The following GOLGA8A variants were observed in gnomAD, a reference collection of about 807,000 sequenced individuals.
GOLGA8A encodes golgin A8 family member A.
GOLGA8A carries 3 observed loss-of-function variants against 22.1 expected under a neutral mutation model. The observed-to-expected ratio is 0.14, with a 90% CI of 0.06 to 0.35. GOLGA8A has a LOEUF of 0.35. Ranked by LOEUF, GOLGA8A falls within the 10% of genes least tolerant of loss-of-function variation. The pLI is 1.00. For synonymous variants in GOLGA8A, 7 were observed against 91.7 expected (o/e 0.08, Z 5.28); for missense variants, 16 against 233.2 (o/e 0.07, Z 6.07).
At chr15:34,431,310 TAC>T (rs59064131) in intron 2 of GOLGA8A, among the ~76,000 whole-genome samples, 7,137 of 23,670 alleles carry the variant, frequency 0.3, 286 homozygotes, top group Admixed American at 0.36. Flanking sequence ...TATATATATA[TAC>T]ATATATATAT....
chr15:34,423,928 GC>G (rs1159095806), intron 2 of GOLGA8A, among the ~76,000 whole-genome samples: 1 of 148,662 alleles, frequency 6.7e-6, no homozygotes, highest in Non-Finnish European at 1.5e-5. Flanking sequence ...TTTGGAGGAA[GC>G]AGCTGAGGCT....
intron 2 of GOLGA8A, chr15:34,428,984 G>T (rs530733639): frequency 6.8e-6 from 1 of 147,002 alleles, no homozygotes; most frequent in African/African-American, 2.5e-5. Context: ...ACCTCCTACA[G>T]AACCCAGTGG....
chr15:34,432,379 G>C (rs1402015181), intron 2 of GOLGA8A, among the ~76,000 whole-genome samples: 1 of 148,650 alleles, frequency 6.7e-6, no homozygotes, highest in Non-Finnish European at 1.5e-5. Flanking sequence ...GCAGGAGACA[G>C]GGACAGAACA....
chr15:34,418,173 CTGCTGTAAAGAT>C (rs1892652479), intron 2 of GOLGA8A: 1 of 110,562 alleles, frequency 9.0e-6, no homozygotes, highest in East Asian at 2.8e-4. Context: ...TACTTCTAGG[CTGCTGTAAAGAT>C]GTATAAGGTT....
At position 34,425,985 on chromosome 15, in the gene GOLGA8A, C is replaced by T. The variant is rs991109136; in HGVS notation, c.-1123+9398G>A. Among the ~76,000 whole-genome samples, 9 of 145,012 alleles carry T rather than the reference C, an allele frequency of 6.2e-5. 1 individual carries two copies. Among genetic ancestry groups the T allele is most frequent in the Admixed American group, 2.2e-4 (3 of 13,944 alleles). ...CCAGAGAGTGTCAGTGGGGACACCG[C>T]TGCCCCACACACTAGCATCATTTAG... On this transcript the variant is annotated intron_variant, in intron 2 of 24. Transcript: ENST00000359187.
In GOLGA8A at chr15:34,435,023, G is replaced by A. The variant is rs1566915662; in HGVS notation, c.-1123+360C>T. 1.3e-5 allele frequency among the ~76,000 whole-genome samples: 2 copies of A among 149,618 alleles called. 1 individual carries two copies. Among genetic ancestry groups the A allele is most frequent in the East Asian group, 3.9e-4 (2 of 5,076 alleles). On this transcript the variant is annotated intron_variant, in intron 2 of 24. Transcript: ENST00000359187. Reference sequence around the variant, plus strand: ...TGCTGGGCCTCGATCCCCACCGACCGCCAGTCCTCTCCTCCCCTGGACAGT... The same window carrying A: ...TGCTGGGCCTCGATCCCCACCGACCACCAGTCCTCTCCTCCCCTGGACAGT...
chr15:34,436,762 C>A lies in GOLGA8A; in HGVS notation c.-1212+636G>T, dbSNP rs140836569. 7.5e-4 allele frequency among the ~76,000 whole-genome samples: 113 copies of A among 150,092 alleles called. 5 individuals carry two copies. Among genetic ancestry groups the A allele is most frequent in the Non-Finnish European group, 1.5e-3 (98 of 67,262 alleles). ...ATCTCCCTCCAGCAGCCTTGCCAGGCAGTGCCTGGCGTGGAGAAGGGGCCC... is the reference window on the plus strand; with the variant it reads ...ATCTCCCTCCAGCAGCCTTGCCAGGAAGTGCCTGGCGTGGAGAAGGGGCCC... On this transcript the variant is annotated intron_variant, in intron 1 of 24. Transcript: ENST00000359187.
intron 2 of GOLGA8A, chr15:34,428,832 C>T (rs1217390337): frequency 1.4e-5 from 2 of 144,328 alleles, no homozygotes; most frequent in Non-Finnish European, 3.0e-5. Context: ...CCCTGCAGCG[C>T]TGCTGTTCCC....
chr15:34,400,601 T>G (rs1157300298), intron 6 of GOLGA8A, 111 bp downstream of exon 6: 2 of 137,568 alleles, frequency 1.5e-5, no homozygotes, highest in East Asian at 2.4e-4. Context: ...GGAAGATACC[T>G]TCCTAGTTTT....
chr15:34,421,528 C>G (rs574914619), intron 2 of GOLGA8A, among the ~76,000 whole-genome samples: 1 of 141,258 alleles, frequency 7.1e-6, no homozygotes, highest in Admixed American at 7.4e-5. Context: ...TAAAAGTTAA[C>G]GTACAGATTA....
In GOLGA8A at chr15:34,434,783, A is replaced by T. The variant is rs908672780; in HGVS notation, c.-1123+600T>A. ...TGGGAGGCCTGCCTGGTCACCAGGGACTACCTTACACCCTACCTGTGCCTC... is the reference window on the plus strand; with the variant it reads ...TGGGAGGCCTGCCTGGTCACCAGGGTCTACCTTACACCCTACCTGTGCCTC... On this transcript the variant is annotated intron_variant, in intron 2 of 24. Coordinates refer to ENST00000359187, the MANE Select transcript of GOLGA8A (RefSeq NM_181077.5). Among the ~76,000 whole-genome samples, 12 of 149,356 alleles carry T rather than the reference A, an allele frequency of 8.0e-5. 2 individuals carry two copies. Among genetic ancestry groups the T allele is most frequent in the African/African-American group, 2.2e-4 (9 of 40,460 alleles).
chr15:34,417,500 A>C (rs1259567765), intron 2 of GOLGA8A: 1 of 127,844 alleles, frequency 7.8e-6, no homozygotes, highest in Non-Finnish European at 1.6e-5. Context: ...CATGGACTTA[A>C]AGCATAAAGA....
chr15:34,429,730 G>T (rs531123098), intron 2 of GOLGA8A, among the ~76,000 whole-genome samples: 1 of 146,956 alleles, frequency 6.8e-6, no homozygotes, highest in East Asian at 2.1e-4. Context: ...TACACGGCTG[G>T]ATAGATGGAC....
At chr15:34,423,812 C>T (rs531588802) in intron 2 of GOLGA8A, among the ~76,000 whole-genome samples, 4 of 149,544 alleles carry the variant, frequency 2.7e-5, no homozygotes, top group African/African-American at 9.9e-5. Context: ...CATGCTGGCC[C>T]CACCACCTGC....
intron 2 of GOLGA8A, among the ~76,000 whole-genome samples, chr15:34,427,776 C>A (rs1319489850): frequency 1.0e-4 from 15 of 148,024 alleles, no homozygotes; most frequent in African/African-American, 3.0e-4. Context: ...GAAACAAGTG[C>A]ACATAAATAA....
At chr15:34,423,559 C>T (rs572292514) in intron 2 of GOLGA8A, among the ~76,000 whole-genome samples, 19 of 148,936 alleles carry the variant, frequency 1.3e-4, no homozygotes, top group African/African-American at 4.2e-4. Context: ...CAAGGAAGCA[C>T]GAGGAACTCA....
chr15:34,432,785 C>G (rs1041285743), intron 2 of GOLGA8A, among the ~76,000 whole-genome samples: 1 of 149,078 alleles, frequency 6.7e-6, no homozygotes, highest in African/African-American at 2.5e-5. Context: ...TACATTAAAA[C>G]AGCCCTTTAG....
intron 2 of GOLGA8A, among the ~76,000 whole-genome samples, chr15:34,434,350 C>T (rs960797285): frequency 2.0e-5 from 3 of 149,592 alleles, no homozygotes; most frequent in Admixed American, 6.7e-5. Context: ...ACCTCACAGC[C>T]GGCACAGAAA....
At chr15:34,421,729 G>C (rs1436896900) in intron 2 of GOLGA8A, among the ~76,000 whole-genome samples, 12 of 138,032 alleles carry the variant, frequency 8.7e-5, no homozygotes, top group Admixed American at 1.5e-4. Flanking sequence ...TCCCAAACTG[G>C]AAGGAAGGAT....
Sources: allele counts gnomAD v4.1 joint callset (sites outside exome capture counted in the v4.1 genomes callset), GRCh38; gene constraint gnomAD v4.1.1; transcripts MANE v1.5; gene names NCBI Gene and HGNC (gene_info 2026-07-23, HGNC 2026-07-21).